Variants in SHC3 observed in about 807,000 individuals in gnomAD.
The protein encoded by SHC3 is SHC-transforming protein 3.
A neutral mutation model predicts 60.4 loss-of-function variants in SHC3; 15 were observed. The observed-to-expected ratio is 0.25, with a 90% CI of 0.17 to 0.38. The LOEUF (loss-of-function observed/expected upper bound fraction) is 0.38, where lower values mean the gene tolerates loss of function less well. SHC3 is among the 10% of genes least tolerant of loss of function. The pLI, the probability that SHC3 is intolerant of heterozygous loss-of-function variation, is 1.00. For missense variants in SHC3, 677 were observed against 786.1 expected, an observed-to-expected ratio of 0.86 and a Z score of 1.66; for synonymous variants, 294 against 325.9, an observed-to-expected ratio of 0.90 and a Z score of 1.05.
intron 6 of SHC3, among the ~76,000 whole-genome samples, chr9:89,063,374 C>T (rs1176547084): frequency 3.3e-5 from 5 of 152,198 alleles, no homozygotes; most frequent in Non-Finnish European, 5.9e-5. Flanking sequence ...ATGATCTGCC[C>T]GCCTCGGCCT....
chr9:89,103,615 A>T (rs530341365), intron 2 of SHC3, among the ~76,000 whole-genome samples: 3 of 152,242 alleles, frequency 2.0e-5, no homozygotes, highest in Non-Finnish European at 4.4e-5. Flanking sequence ...CAATGAGATT[A>T]TCAATACGGA....
intron 11 of SHC3, among the ~76,000 whole-genome samples, chr9:89,031,408 C>T (rs1318809041): frequency 6.6e-6 from 1 of 152,160 alleles, no homozygotes; most frequent in African/African-American, 2.4e-5. Context: ...ATCCCTTTCT[C>T]TCACCCAGCC....
At chr9:89,132,937 C>G (rs1341084847) in intron 1 of SHC3, among the ~76,000 whole-genome samples, 1 of 152,132 alleles carries the variant, frequency 6.6e-6, no homozygotes, top group African/African-American at 2.4e-5. Context: ...AGAGCTTTTG[C>G]ACAGCAAAAG....
chr9:89,034,180 C>T (rs2117858670), intron 11 of SHC3, among the ~76,000 whole-genome samples: 1 of 152,262 alleles, frequency 6.6e-6, no homozygotes, highest in African/African-American at 2.4e-5. Flanking sequence ...TGATAAAGTT[C>T]AACACCTATA....
chr9:89,085,928 C>G (rs1056108703), intron 2 of SHC3, among the ~76,000 whole-genome samples: 3 of 152,212 alleles, frequency 2.0e-5, no homozygotes, highest in Non-Finnish European at 4.4e-5. Context: ...ATTTACAGTA[C>G]AGTGGCTTCC....
intron 2 of SHC3, among the ~76,000 whole-genome samples, chr9:89,079,407 A>C (rs1817774121): frequency 6.6e-6 from 1 of 152,248 alleles, no homozygotes; most frequent in African/African-American, 2.4e-5. Context: ...TTAGTTGAGC[A>C]AGGCAGCTAA....
chr9:89,071,296 T>C, intron 4 of SHC3, 44 bp from the exon 5 acceptor site: 1 of 1,601,896 alleles, frequency 6.2e-7, no homozygotes, highest in Non-Finnish European at 8.5e-7. Flanking sequence ...GTTATCGCCC[T>C]TTCCACATTT....
chr9:89,060,530 G>A (rs1825070383), intron 6 of SHC3, among the ~76,000 whole-genome samples: 1 of 151,998 alleles, frequency 6.6e-6, no homozygotes, highest in Non-Finnish European at 1.5e-5. Flanking sequence ...CAGGAGGCAA[G>A]AGCTTGCTTG....
At chr9:89,069,521 T>C (rs1424713988) in intron 5 of SHC3, among the ~76,000 whole-genome samples, 2 of 152,224 alleles carry the variant, frequency 1.3e-5, no homozygotes, top group Admixed American at 1.3e-4. Flanking sequence ...CTTGACCCTA[T>C]GGAATGGCAG....
chr9:89,149,844 T>G (rs1345085455), intron 1 of SHC3, among the ~76,000 whole-genome samples: 1 of 152,154 alleles, frequency 6.6e-6, no homozygotes, highest in Non-Finnish European at 1.5e-5. Flanking sequence ...TAATAAGTCT[T>G]CCGTTGCACA....
At chr9:89,098,779 C>A (rs554939509) in intron 2 of SHC3, among the ~76,000 whole-genome samples, 1 of 151,828 alleles carries the variant, frequency 6.6e-6, no homozygotes, top group East Asian at 1.9e-4. Context: ...CCACTGCACT[C>A]CAGCGTGGGT....
chr9:89,095,451 G>C (rs945624695), intron 2 of SHC3, among the ~76,000 whole-genome samples: 2 of 152,142 alleles, frequency 1.3e-5, no homozygotes, highest in South Asian at 2.1e-4. Flanking sequence ...GGATCGGGAC[G>C]GGGAGGGGGA....
intron 11 of SHC3, among the ~76,000 whole-genome samples, chr9:89,020,199 C>A (rs1431701264): frequency 2.0e-5 from 3 of 151,610 alleles, no homozygotes; most frequent in African/African-American, 7.3e-5. Flanking sequence ...GCATCACCCC[C>A]AGTGCCCAAA....
intron 2 of SHC3, among the ~76,000 whole-genome samples, chr9:89,081,167 G>A (rs1184873052): frequency 6.6e-6 from 1 of 152,078 alleles, no homozygotes; most frequent in African/African-American, 2.4e-5. Flanking sequence ...AAAAATTTAT[G>A]GACAAGAAAA....
chr9:89,109,030 A>C, intron 2 of SHC3: 1 of 984,894 alleles, frequency 1.0e-6, no homozygotes, highest in Non-Finnish European at 1.2e-6. Context: ...CTGAGGTTCC[A>C]AGGAGGCCTG....
At position 89,112,546 on chromosome 9, in the gene SHC3, G is replaced by A; in HGVS notation, c.545+10C>T. On this transcript the variant is annotated intron_variant, in intron 2 of 11. Transcript: ENST00000375835. ...TAAAATCACAGGAGTCCATTTTCAA[G>A]AGGGCTTACCTGGTAATTTGTGTTC... 6.2e-7 allele frequency: 1 copy of A among 1,605,780 alleles called. No individual in the cohort carries two copies. Among genetic ancestry groups the A allele is most frequent in the Non-Finnish European group, 8.5e-7 (1 of 1,176,976 alleles).
At chr9:89,103,589 G>T (rs1008923611) in intron 2 of SHC3, among the ~76,000 whole-genome samples, 3 of 152,186 alleles carry the variant, frequency 2.0e-5, no homozygotes, top group African/African-American at 7.2e-5. Flanking sequence ...TATATACCTG[G>T]AAGTGTTGTT....
intron 1 of SHC3, among the ~76,000 whole-genome samples, chr9:89,128,426 A>C (rs1406606721): frequency 6.6e-6 from 1 of 152,130 alleles, no homozygotes. Context: ...GGAGTTTGAG[A>C]TCTGAGAATG....
At chr9:89,066,742 A>C (rs534243704) in intron 5 of SHC3, among the ~76,000 whole-genome samples, 18 of 152,316 alleles carry the variant, frequency 1.2e-4, no homozygotes, top group Non-Finnish European at 1.6e-4. Flanking sequence ...GCCAGCACCT[A>C]AAAGGCTCTG....
Sources: gnomAD v4.1 joint callset for allele counts (sites outside exome capture counted in the v4.1 genomes callset) on GRCh38, gnomAD v4.1.1 for gene constraint, MANE v1.5 for transcripts, NCBI Gene and HGNC (gene_info 2026-07-23, HGNC 2026-07-21) for gene names.